The following SGCZ variants were observed in gnomAD, a reference collection of about 807,000 sequenced individuals.
SGCZ encodes zeta-sarcoglycan.
In SGCZ, 40 loss-of-function variants were observed where a neutral mutation model predicts 41.3. That is an observed-to-expected ratio of 0.97 (90% CI 0.75 to 1.26). The LOEUF (loss-of-function observed/expected upper bound fraction) is 1.26. Among genes scored for constraint, SGCZ ranks in the 50% most tolerant of loss-of-function variants. SGCZ has a pLI of 0.00. For synonymous variants in SGCZ, 206 were observed against 137.5 expected, an observed-to-expected ratio of 1.50 and a Z score of -3.49; for missense variants, 552 against 369.8, an observed-to-expected ratio of 1.49 and a Z score of -4.04.
intron 2 of SGCZ, among the ~76,000 whole-genome samples, chr8:14,426,683 T>G (rs1799791682): frequency 6.6e-6 from 1 of 152,120 alleles, no homozygotes; most frequent in African/African-American, 2.4e-5. Flanking sequence ...AACTGGACTC[T>G]GGATGAAATG....
intron 2 of SGCZ, among the ~76,000 whole-genome samples, chr8:14,519,396 T>G (rs1470894759): frequency 1.3e-5 from 2 of 152,032 alleles, no homozygotes; most frequent in African/African-American, 4.8e-5. Context: ...TTCCTTGGCA[T>G]GAAAAAATGA....
At chr8:14,122,071 G>A (rs1802713365) in intron 5 of SGCZ, among the ~76,000 whole-genome samples, 1 of 151,948 alleles carries the variant, frequency 6.6e-6, no homozygotes, top group Admixed American at 6.5e-5. Flanking sequence ...AAGGTCAGGA[G>A]ATCGAGACCA....
intron 6 of SGCZ, among the ~76,000 whole-genome samples, chr8:14,106,060 C>A (rs17118656): frequency 0.021 from 3,247 of 152,256 alleles, 133 homozygotes; most frequent in African/African-American, 0.075. Flanking sequence ...TTTGTAATAA[C>A]TGCAGCCACT....
intron 1 of SGCZ, among the ~76,000 whole-genome samples, chr8:14,648,007 C>T (rs1361894946): frequency 6.6e-6 from 1 of 151,890 alleles, no homozygotes; most frequent in African/African-American, 2.4e-5. Context: ...AAAGAGGAGC[C>T]CTCATTTCCC....
intron 7 of SGCZ, among the ~76,000 whole-genome samples, chr8:14,094,046 A>G (rs73213899): frequency 0.27 from 41,240 of 151,914 alleles, 6,027 homozygotes; most frequent in African/African-American, 0.36. Flanking sequence ...TCTCCCCTCT[A>G]AGTTACAAAC....
At chr8:14,782,485 A>G (rs943430752) in intron 1 of SGCZ, among the ~76,000 whole-genome samples, 1 of 152,160 alleles carries the variant, frequency 6.6e-6, no homozygotes, top group Non-Finnish European at 1.5e-5. Context: ...TGCAGTTCAG[A>G]ATACAAAACT....
intron 1 of SGCZ, among the ~76,000 whole-genome samples, chr8:14,888,868 G>C (rs944591900): frequency 2.6e-5 from 4 of 151,960 alleles, no homozygotes; most frequent in African/African-American, 9.7e-5. Context: ...AATAAATATG[G>C]CTTAAAATAT....
intron 1 of SGCZ, among the ~76,000 whole-genome samples, chr8:14,868,527 A>G (rs1804017255): frequency 6.6e-6 from 1 of 152,140 alleles, no homozygotes; most frequent in Non-Finnish European, 1.5e-5. Flanking sequence ...TAGATGAAAC[A>G]ATGAAAAGAA....
chr8:14,546,108 G>T (rs1184308113), intron 2 of SGCZ, among the ~76,000 whole-genome samples: 1 of 152,162 alleles, frequency 6.6e-6, no homozygotes, highest in Non-Finnish European at 1.5e-5. Context: ...GGGTATAATG[G>T]AAGCAGTCTT....
chr8:14,782,781 G>C (rs950854116), intron 1 of SGCZ, among the ~76,000 whole-genome samples: 1 of 152,118 alleles, frequency 6.6e-6, no homozygotes, highest in Non-Finnish European at 1.5e-5. Context: ...TCTCACTAGT[G>C]GTTATCAATT....
chr8:14,357,838 C>T (rs938592604), intron 2 of SGCZ, among the ~76,000 whole-genome samples: 1 of 152,108 alleles, frequency 6.6e-6, no homozygotes, highest in South Asian at 2.1e-4. Context: ...TATTTTCTTG[C>T]TAACTCCAAA....
chr8:15,048,091 C>A (rs1416523695), intron 1 of SGCZ, among the ~76,000 whole-genome samples: 1 of 152,002 alleles, frequency 6.6e-6, no homozygotes, highest in Non-Finnish European at 1.5e-5. Context: ...ATCTACCATT[C>A]ATTGGCAGAA....
intron 1 of SGCZ, among the ~76,000 whole-genome samples, chr8:14,896,437 TTTTATTTA>T (rs376530633): frequency 1.3e-4 from 20 of 151,414 alleles, no homozygotes; most frequent in African/African-American, 3.7e-4. Flanking sequence ...GATGGAAGAC[TTTTATTTA>T]TTTATTTATT....
chr8:15,202,812 T>C (rs1001733936), intron 1 of SGCZ, among the ~76,000 whole-genome samples: 1 of 152,084 alleles, frequency 6.6e-6, no homozygotes. Flanking sequence ...AATAAAAAGC[T>C]AGGTTAAGAC....
chr8:14,138,810 G>A (rs187987485), intron 5 of SGCZ, among the ~76,000 whole-genome samples: 6 of 152,180 alleles, frequency 3.9e-5, no homozygotes, highest in Non-Finnish European at 7.4e-5. Flanking sequence ...AGGATATCCC[G>A]GACTTGAACT....
chr8:14,303,150 A>G (rs1183938380), intron 3 of SGCZ, among the ~76,000 whole-genome samples: 1 of 152,240 alleles, frequency 6.6e-6, no homozygotes, highest in Non-Finnish European at 1.5e-5. Flanking sequence ...AAATAAACGT[A>G]TATTAAATTT....
At chr8:14,993,550 C>A (rs1802100108) in intron 1 of SGCZ, among the ~76,000 whole-genome samples, 2 of 152,170 alleles carry the variant, frequency 1.3e-5, no homozygotes, top group South Asian at 4.1e-4. Context: ...AATTCTTGGG[C>A]TGAAAGAGGG....
At chr8:14,159,426 A>T (rs1803975788) in intron 5 of SGCZ, among the ~76,000 whole-genome samples, 2 of 152,214 alleles carry the variant, frequency 1.3e-5, no homozygotes, top group African/African-American at 4.8e-5. Flanking sequence ...TAGAGGAAAC[A>T]GCTTATTTTG....
intron 4 of SGCZ, among the ~76,000 whole-genome samples, chr8:14,229,821 A>C (rs565165687): frequency 3.9e-4 from 59 of 152,230 alleles, no homozygotes; most frequent in African/African-American, 1.3e-3. Flanking sequence ...GGGTCTTTAA[A>C]TATTTATTAT....
Sources: allele counts gnomAD v4.1 joint callset (sites outside exome capture counted in the v4.1 genomes callset), GRCh38; gene constraint gnomAD v4.1.1; transcripts MANE v1.5; gene names NCBI Gene and HGNC (gene_info 2026-07-23, HGNC 2026-07-21).